Variants in PYGL observed in about 807,000 individuals in gnomAD.
PYGL encodes glycogen phosphorylase L.
Under a neutral mutation model 100.1 loss-of-function variants are expected in PYGL, and 90 were observed. That is an observed-to-expected ratio of 0.90 (90% confidence interval 0.76 to 1.07). The LOEUF is 1.07. Ranked by LOEUF, PYGL falls within the 50% of genes least tolerant of loss-of-function variation. The probability of loss-of-function intolerance (pLI) is 0.00; values close to 1 mark genes in which losing one functional copy is unlikely to be tolerated. For synonymous variants in PYGL, 373 were observed against 393.0 expected, an observed-to-expected ratio of 0.95 and a Z score of 0.60; for missense variants, 1,016 against 1,057.6, an observed-to-expected ratio of 0.96 and a Z score of 0.55.
chr14:50,911,328 C>T (rs894938501), intron 16 of PYGL, among the ~76,000 whole-genome samples: 5 of 152,230 alleles, frequency 3.3e-5, no homozygotes, highest in South Asian at 4.1e-4. Context: ...GAGCAAGTGA[C>T]AGCCCTTCTT....
At chr14:50,930,606 T>A (rs1018000251) in intron 4 of PYGL, among the ~76,000 whole-genome samples, 1 of 152,202 alleles carries the variant, frequency 6.6e-6, no homozygotes, top group African/African-American at 2.4e-5. Flanking sequence ...CCTCCCTTTT[T>A]TGGTTCACAA....
At chr14:50,907,032 C>T (rs1030608008) in intron 19 of PYGL, among the ~76,000 whole-genome samples, 1 of 152,090 alleles carries the variant, frequency 6.6e-6, no homozygotes, top group African/African-American at 2.4e-5. Context: ...AGAGCTAGCC[C>T]CCTCCAGTAT....
At chr14:50,932,871 G>A (rs559743797) in intron 3 of PYGL, among the ~76,000 whole-genome samples, 34 of 152,264 alleles carry the variant, frequency 2.2e-4, no homozygotes, top group African/African-American at 7.9e-4. Flanking sequence ...ATTGAATGAG[G>A]TTGGTGGTAC....
Position 50,924,010 on chromosome 14 carries a change from C to T in PYGL, c.619G>A (p.Val207Ile), listed in dbSNP as rs756910972. ...TTGGTCCCGGTGTTGGTGTGTTCTA[C>T]TTTTCCATAGAAGTGCACAGGCAGC... ...FMLPVHFYGK[V>I]EHTNTGTKWI... Residue 207 changes from valine to isoleucine, a missense_variant, in exon 5 of 20, where the codon GTA becomes ATA. By Grantham distance (29) the Val-to-Ile change is conservative. Transcript: ENST00000216392. 3.5e-5 allele frequency: 57 copies of T among 1,613,858 alleles called. No homozygotes were observed. The highest frequency in any genetic ancestry group is 4.8e-5 in the Non-Finnish European group (57 of 1,179,882).
At chr14:50,910,401 G>C (rs1052260396) in intron 16 of PYGL, among the ~76,000 whole-genome samples, 1 of 151,860 alleles carries the variant, frequency 6.6e-6, no homozygotes, top group African/African-American at 2.4e-5. Context: ...TCCAATTTTT[G>C]TTACAGTTTT....
rs1295800039 is a variant in PYGL, at chr14:50,934,957, T to C, written c.424+150A>G. On this transcript the variant is annotated intron_variant, in intron 3 of 19. Coordinates refer to ENST00000216392, the MANE Select transcript of PYGL (RefSeq NM_002863.5). ...TTGTCTAGAATTGATCAAACCAAAG[T>C]GCAAACTCAAGAACAAATACATCTA... The C allele has an allele frequency of 4.1e-6, 3 of 739,928 alleles. No homozygotes were observed. The African/African-American group carries it at 5.2e-5, about 13-fold the overall frequency. 45.8% of individuals were successfully genotyped at this position (739,928 alleles called of 1,614,324 possible). A position where few individuals can be genotyped will look rare whatever the true frequency, so the allele number is the denominator to read the frequency against.
At chr14:50,934,202 A>G (rs2050631225) in intron 3 of PYGL, among the ~76,000 whole-genome samples, 1 of 152,224 alleles carries the variant, frequency 6.6e-6, no homozygotes, top group Non-Finnish European at 1.5e-5. Context: ...AATTGTATCC[A>G]CACACAAAAA....
At position 50,912,184 on chromosome 14, in the gene PYGL, G is replaced by A. The variant is rs745667858; in HGVS notation, c.1740C>T (p.Asn580=). 4 of 1,614,110 alleles carry A rather than the reference G, an allele frequency of 2.5e-6. No individual in the cohort carries two copies. The highest frequency in any genetic ancestry group is 2.2e-5 in the East Asian group (1 of 44,892). Residue 580 remains asparagine (N), a synonymous_variant, in exon 14 of 20, where the codon AAC becomes AAT. Coordinates refer to ENST00000216392, the MANE Select transcript of PYGL (RefSeq NM_002863.5). ...TGTACATCGTGATCACATGCAGACAGTTCAAGAGCTGTCGCTTGTACTCAT... is the reference window on the plus strand; with the variant it reads ...TGTACATCGTGATCACATGCAGACAATTCAAGAGCTGTCGCTTGTACTCAT... ...RIHEYKRQLL[N]CLHVITMYNR...
Position 50,913,145 on chromosome 14 carries a change from GA to G in PYGL, c.1519-16del, listed in dbSNP as rs780962156. 1.5e-5 allele frequency: 24 copies of G among 1,611,320 alleles called. No individual in the cohort carries two copies. In the Admixed American group the frequency reaches 4.0e-4, roughly 27 times the overall value. ...TCTCCAATTTTCTTTCAATTCAAAGGAAAAGATGACTTCAATTTGGGGATGG... is the reference window on the plus strand; with the variant it reads ...TCTCCAATTTTCTTTCAATTCAAAGGAAAGATGACTTCAATTTGGGGATGG... On this transcript the variant is annotated splice_polypyrimidine_tract_variant and intron_variant, in intron 12 of 19. Coordinates refer to ENST00000216392, the MANE Select transcript of PYGL (RefSeq NM_002863.5).
chr14:50,936,450 T>C (rs1293640252), intron 2 of PYGL, among the ~76,000 whole-genome samples: 2 of 152,196 alleles, frequency 1.3e-5, no homozygotes, highest in Non-Finnish European at 2.9e-5. Context: ...GCTTACTAGG[T>C]TCCTGGTGTA....
intron 4 of PYGL, among the ~76,000 whole-genome samples, chr14:50,928,277 G>C (rs1329793002): frequency 6.6e-6 from 1 of 152,164 alleles, no homozygotes; most frequent in Non-Finnish European, 1.5e-5. Flanking sequence ...CAGTCATCAG[G>C]AGAGCCCATG....
chr14:50,928,801 G>T (rs2050578210), intron 4 of PYGL, among the ~76,000 whole-genome samples: 1 of 152,118 alleles, frequency 6.6e-6, no homozygotes, highest in Admixed American at 6.5e-5. Flanking sequence ...CGTGTTGAGT[G>T]GGGGCATGAC....
At position 50,921,132 on chromosome 14, in the gene PYGL, G is replaced by A. The variant is rs2050497151; in HGVS notation, c.661-65C>T. The A allele has an allele frequency of 6.2e-6, 8 of 1,294,616 alleles. No individual in the cohort carries two copies. In the South Asian group the frequency reaches 9.5e-5, roughly 15 times the overall value. 80.2% of individuals were successfully genotyped at this position (1,294,616 alleles called of 1,614,324 possible). A position where few individuals can be genotyped will look rare whatever the true frequency, so the allele number is the denominator to read the frequency against. On this transcript the variant is annotated intron_variant, in intron 5 of 19. Transcript: ENST00000216392. ...AGTGTGATGACATAGGTTGAACAAG[G>A]GGCTGGGAGACTGCAATGGAATTCT...
intron 6 of PYGL, 123 bp downstream of exon 6, chr14:50,920,833 T>C: frequency 9.2e-7 from 1 of 1,088,718 alleles, no homozygotes; most frequent in Non-Finnish European, 1.4e-6. Context: ...GCCTGCTTAG[T>C]CAGTGAAGTT....
chr14:50,944,095 G>T lies in PYGL; in HGVS notation c.243+66C>A, dbSNP rs569743493. ...TCTGAGGGGTTCTCCACCTCGTCCC[G>T]CCCGGCCGCGGCCGGAGACTCCGAC... is the stretch of plus-strand genomic sequence containing the variant. On this transcript the variant is annotated intron_variant, in intron 1 of 19. Transcript: ENST00000216392. 87 of 1,527,730 alleles carry T rather than the reference G, an allele frequency of 5.7e-5. No individual in the cohort carries two copies. In the African/African-American group the frequency reaches 1.1e-3, roughly 19 times the overall value. 94.6% of individuals were successfully genotyped at this position (1,527,730 alleles called of 1,614,324 possible). A position where few individuals can be genotyped will look rare whatever the true frequency, so the allele number is the denominator to read the frequency against.
chr14:50,915,357 G>A lies in PYGL; in HGVS notation c.1382C>T (p.Ser461Leu). ...HAVNGVAKIH[S>L]DIVKTKVFKD... The stretch of plus-strand genomic sequence containing the variant: ...TCACACTTTAGTCTTCACGATGTCT[G>A]AGTGGATTTTAGCCACGCCATTCAC... The change falls in exon 11 of 20, where the codon TCA (serine) becomes TTA (leucine). Residue 461 changes from serine (S) to leucine (L), a missense_variant. Ser to Leu is a moderately radical substitution (Grantham distance 145). Coordinates refer to ENST00000216392, the MANE Select transcript of PYGL (RefSeq NM_002863.5). 5 of 1,614,186 alleles carry A rather than the reference G, an allele frequency of 3.1e-6. No individual in the cohort carries two copies. The highest frequency in any genetic ancestry group is 3.4e-6 in the Non-Finnish European group (4 of 1,180,034).
intron 4 of PYGL, among the ~76,000 whole-genome samples, chr14:50,929,794 G>A (rs998275298): frequency 1.3e-5 from 2 of 152,086 alleles, no homozygotes; most frequent in Non-Finnish European, 2.9e-5. Context: ...ACTCCATTGG[G>A]GAGAGGAACA....
Position 50,920,836 on chromosome 14 carries a change from G to C in PYGL, c.772+120C>G, listed in dbSNP as rs946618. The C allele has an allele frequency of 0.16, 185,034 of 1,123,624 alleles. 18,704 individuals are homozygous for C. Among genetic ancestry groups the C allele is most frequent in the African/African-American group, 0.46 (29,519 of 64,594 alleles). The allele number at this position is 1,123,624 out of a possible 1,614,324, so 69.6% of individuals were successfully genotyped here. ...CCTCCATACAATGCCTGCTTAGTCA[G>C]TGAAGTTCAGATCAGAAACTCAAGG... On this transcript the variant is annotated intron_variant, in intron 6 of 19. Transcript: ENST00000216392.
At position 50,944,244 on chromosome 14, in the gene PYGL, A is replaced by G; in HGVS notation, c.160T>C (p.Phe54Leu). ...TCGCGCACCGTGTGCGCCAGCGCGA[A>G]GTAGTAGTCGCGGGTGGTGGCCACG... ...RNVATTRDYY[F>L]ALAHTVRDHL... Residue 54 changes from phenylalanine (F) to leucine (L), a missense_variant, in exon 1 of 20, where the codon TTC becomes CTC. Physicochemically the swap from Phe to Leu is conservative, Grantham distance 22. Coordinates refer to ENST00000216392, the MANE Select transcript of PYGL (RefSeq NM_002863.5). 1 of 1,613,754 alleles carries G rather than the reference A, an allele frequency of 6.2e-7. No homozygotes were observed. Among genetic ancestry groups the G allele is most frequent in the Non-Finnish European group, 8.5e-7 (1 of 1,179,894 alleles).
Sources: allele counts gnomAD v4.1 joint callset (sites outside exome capture counted in the v4.1 genomes callset), GRCh38; gene constraint gnomAD v4.1.1; transcripts MANE v1.5; gene names NCBI Gene and HGNC (gene_info 2026-07-23, HGNC 2026-07-21).